TDO2: variants seen among roughly 807,000 people sequenced by gnomAD.
TDO2 encodes tryptamin 2,3-dioxygenase.
In TDO2, 63 loss-of-function variants were observed where a neutral mutation model predicts 61.2. The ratio of observed to expected loss-of-function variants is 1.03; its 90% CI spans 0.84 to 1.27. The LOEUF is 1.27. Among genes scored for constraint, TDO2 ranks in the 50% most tolerant of loss-of-function variants. The probability of loss-of-function intolerance (pLI) is 0.00; values close to 1 mark genes in which losing one functional copy is unlikely to be tolerated. For missense variants in TDO2, 494 were observed against 469.5 expected, an observed-to-expected ratio of 1.05 and a Z score of -0.48; for synonymous variants, 183 against 164.0, an observed-to-expected ratio of 1.12 and a Z score of -0.89.
intron 4 of TDO2, 90 bp from the exon 5 acceptor site, chr4:155,908,796 AC>A: frequency 6.9e-7 from 1 of 1,449,974 alleles, no homozygotes; most frequent in Non-Finnish European, 9.1e-7. Context: ...CAAATTAGAG[AC>A]AAAATTAATG....
At chr4:155,914,683 G>A (rs1195094753) in intron 8 of TDO2, among the ~76,000 whole-genome samples, 1 of 152,116 alleles carries the variant, frequency 6.6e-6, no homozygotes, top group Non-Finnish European at 1.5e-5. Context: ...ATATCAAGAT[G>A]AATTGCATAT....
rs1742742786 is a variant in TDO2, at chr4:155,907,708, T to C, written c.233-14T>C. 6.2e-7 allele frequency: 1 copy of C among 1,601,390 alleles called. No individual in the cohort carries two copies. Among genetic ancestry groups the C allele is most frequent in the South Asian group, 1.1e-5 (1 of 88,490 alleles). On this transcript the variant is annotated splice_polypyrimidine_tract_variant and intron_variant, in intron 3 of 11. Transcript: ENST00000536354. ...CCCATAACTTTCCAACTGACAATGA[T>C]TTCCTTATTACAGCTTATGAACTCT...
At chr4:155,906,317 G>A (rs1244733370) in intron 3 of TDO2, 1 of 152,124 alleles carries the variant, frequency 6.6e-6, no homozygotes, top group Admixed American at 6.5e-5. Flanking sequence ...CATGTAGGCA[G>A]TGGTTACATA....
In TDO2 at chr4:155,909,093, T is replaced by C. The variant is rs574296679; in HGVS notation, c.431+79T>C. On this transcript the variant is annotated intron_variant, in intron 5 of 11. Transcript: ENST00000536354. ...GTGGGGTAAAAGCAGCATGTGTGTG[T>C]TTTGTGCCATGAGGAGCCTGTCTTA... 5 of 1,419,524 alleles carry C rather than the reference T, an allele frequency of 3.5e-6. No individual in the cohort carries two copies. In the Admixed American group the frequency reaches 7.8e-5, roughly 22 times the overall value. 87.9% of individuals were successfully genotyped at this position (1,419,524 alleles called of 1,614,324 possible). A position where few individuals can be genotyped will look rare whatever the true frequency, so the allele number is the denominator to read the frequency against.
At position 155,909,021 on chromosome 4, in the gene TDO2, A is replaced by T. The variant is rs755549542; in HGVS notation, c.431+7A>T. The T allele has an allele frequency of 6.3e-7, 1 of 1,586,064 alleles. No individual in the cohort carries two copies. The highest frequency in any genetic ancestry group is 8.6e-7 in the Non-Finnish European group (1 of 1,168,260). On this transcript the variant is annotated splice_region_variant and intron_variant, in intron 5 of 11. Transcript: ENST00000536354. ...TGGACTTCAATGACTTCAGGTGTGCACATTTGGCATTTTAAAAAATGTGAT... is the reference window on the plus strand; with the variant it reads ...TGGACTTCAATGACTTCAGGTGTGCTCATTTGGCATTTTAAAAAATGTGAT...
rs1410026976 is a variant in TDO2, at chr4:155,907,737, T to C, written c.248T>C (p.Phe83Ser). The C allele has an allele frequency of 1.2e-6, 2 of 1,613,100 alleles. No homozygotes were observed. ...IITHQAYELW[F>S]KQILWELDSV... ...CTTATTACAGCTTATGAACTCTGGT[T>C]TAAGCAAATCCTCTGGGAGTTGGAT... The change falls in exon 4 of 12, where the codon TTT becomes TCT. Residue 83 changes from phenylalanine (F) to serine (S), a missense_variant. Phe to Ser is a radical substitution (Grantham distance 155, BLOSUM62 -2). Coordinates refer to ENST00000536354, the MANE Select transcript of TDO2 (RefSeq NM_005651.4).
At chr4:155,917,688 C>T (rs764554131) in intron 10 of TDO2, among the ~76,000 whole-genome samples, 1 of 152,094 alleles carries the variant, frequency 6.6e-6, no homozygotes, top group Non-Finnish European at 1.5e-5. Flanking sequence ...GCCCACAATA[C>T]TTTTGGGGGC....
In TDO2 at chr4:155,914,448, C is replaced by G. The variant is rs368966630; in HGVS notation, c.838+14C>G. 2 of 1,527,834 alleles carry G rather than the reference C, an allele frequency of 1.3e-6. No individual in the cohort carries two copies. Among genetic ancestry groups the G allele is most frequent in the African/African-American group, 2.8e-5 (2 of 70,658 alleles). The allele number at this position is 1,527,834 out of a possible 1,614,324, so 94.6% of individuals were successfully genotyped here. A position where few individuals can be genotyped will look rare whatever the true frequency, so the allele number is the denominator to read the frequency against. On this transcript the variant is annotated intron_variant, in intron 8 of 11. Transcript: ENST00000536354. ...TCCTTAGTAAAGGCAGGTATTTTTA[C>G]TTTATGAATCTTTTCCCTGGAATGT...
chr4:155,907,978 T>G (rs1043296255), intron 4 of TDO2, among the ~76,000 whole-genome samples, 186 bp downstream of exon 4: 2 of 152,228 alleles, frequency 1.3e-5, no homozygotes, highest in Admixed American at 1.3e-4. Flanking sequence ...AAATTACATG[T>G]GACTTTAAGG....
intron 6 of TDO2, 91 bp downstream of exon 6, chr4:155,910,302 AC>A (rs1393356691): frequency 4.4e-6 from 4 of 915,486 alleles, no homozygotes; most frequent in Non-Finnish European, 6.4e-6. Flanking sequence ...GTATATCGAA[AC>A]TGAGTTACAT....
At chr4:155,912,178 T>C (rs193254181) in intron 7 of TDO2, among the ~76,000 whole-genome samples, 2 of 152,310 alleles carry the variant, frequency 1.3e-5, no homozygotes, top group Admixed American at 6.5e-5. Context: ...TTGGGTTCCA[T>C]TTCCACTTCC....
chr4:155,918,344 T>G lies in TDO2; in HGVS notation c.1067+105T>G, dbSNP rs552295241. 183 of 920,200 alleles carry G rather than the reference T, an allele frequency of 2.0e-4. No homozygotes were observed. The African/African-American group carries it at 2.9e-3, about 14-fold the overall frequency. 57.0% of individuals were successfully genotyped at this position (920,200 alleles called of 1,614,324 possible). A position where few individuals can be genotyped will look rare whatever the true frequency, so the allele number is the denominator to read the frequency against. On this transcript the variant is annotated intron_variant, in intron 11 of 11. Coordinates refer to ENST00000536354, the MANE Select transcript of TDO2 (RefSeq NM_005651.4). The stretch of plus-strand genomic sequence containing the variant: ...AAAAGCCATTTTATTTGCTCCTGTC[T>G]GAACTACTAACAACACGTTTGTAGT...
At chr4:155,914,222 C>G in intron 7 of TDO2, 101 bp from the exon 8 acceptor site, 1 of 759,768 alleles carries the variant, frequency 1.3e-6, no homozygotes, top group South Asian at 1.8e-5. Context: ...AAAAGTACAT[C>G]ATTTCTGCAA....
Position 155,918,212 on chromosome 4 carries a change from G to T in TDO2, c.1040G>T (p.Gly347Val). The change falls in exon 11 of 12, where the codon GGC (glycine) becomes GTC (valine). Residue 347 changes from glycine (G) to valine (V), a missense_variant. By Grantham distance (109) the Gly-to-Val change is moderately radical. Transcript: ENST00000536354. ...GSKAGTGGSS[G>V]YHYLRSTVSD... ...AAAGCTGGCACCGGTGGTTCCTCAG[G>T]CTATCACTACCTGCGATCAACTGTG... 6.2e-7 allele frequency: 1 copy of T among 1,614,074 alleles called. No individual in the cohort carries two copies. The highest frequency in any genetic ancestry group is 1.1e-5 in the South Asian group (1 of 91,084).
chr4:155,913,342 A>C (rs1354678848), intron 7 of TDO2, among the ~76,000 whole-genome samples: 1 of 152,054 alleles, frequency 6.6e-6, no homozygotes, highest in East Asian at 1.9e-4. Context: ...TTATTAGCTA[A>C]GTTTAGTTCT....
intron 6 of TDO2, 141 bp from the exon 7 acceptor site, chr4:155,911,355 TA>T: frequency 2.0e-6 from 1 of 505,216 alleles, no homozygotes; most frequent in South Asian, 4.6e-5. Flanking sequence ...TGAAGAGAAA[TA>T]AAAAACATTT....
intron 3 of TDO2, chr4:155,905,948 G>T (rs1438067586): frequency 6.6e-6 from 1 of 152,120 alleles, no homozygotes; most frequent in South Asian, 2.1e-4. Context: ...GGCTTAATGT[G>T]TCAGTTCTCC....
At chr4:155,916,075 C>CT (rs971893175) in intron 9 of TDO2, among the ~76,000 whole-genome samples, 163 bp downstream of exon 9, 13 of 149,436 alleles carry the variant, frequency 8.7e-5, no homozygotes, top group African/African-American at 2.5e-4. Context: ...GCCCCCGTCC[C>CT]TTTTTTTTTC....
chr4:155,915,384 A>G (rs906109599), intron 8 of TDO2, among the ~76,000 whole-genome samples: 5 of 152,230 alleles, frequency 3.3e-5, no homozygotes, highest in Non-Finnish European at 7.3e-5. Flanking sequence ...TCGCTGCAGC[A>G]GGGAGAAAGT....
Sources: gnomAD v4.1 joint callset for allele counts (sites outside exome capture counted in the v4.1 genomes callset) on GRCh38, gnomAD v4.1.1 for gene constraint, MANE v1.5 for transcripts, NCBI Gene and HGNC (gene_info 2026-07-23, HGNC 2026-07-21) for gene names.